Variants in GHR observed in about 807,000 individuals in gnomAD.
GHR encodes growth hormone receptor.
A neutral mutation model predicts 67.1 loss-of-function variants in GHR; 35 were observed. The ratio of observed to expected loss-of-function variants is 0.52; its 90% CI spans 0.40 to 0.69. The LOEUF (loss-of-function observed/expected upper bound fraction) is 0.69. GHR is among the 30% of genes least tolerant of loss of function. The pLI is 0.00. For synonymous variants in GHR, 272 were observed against 269.1 expected (o/e 1.01, Z -0.10); for missense variants, 792 against 764.6 (o/e 1.04, Z -0.42).
At chr5:42,497,136 C>A (rs567909970) in intron 1 of GHR, among the ~76,000 whole-genome samples, 1 of 152,272 alleles carries the variant, frequency 6.6e-6, no homozygotes, top group East Asian at 1.9e-4. Context: ...CCTTGTTTCC[C>A]ATTCATTCCT....
intron 2 of GHR, among the ~76,000 whole-genome samples, chr5:42,627,547 G>A (rs1753763990): frequency 6.6e-6 from 1 of 152,234 alleles, no homozygotes; most frequent in Non-Finnish European, 1.5e-5. Flanking sequence ...GCCAATATAA[G>A]TGACTGTGGC....
At chr5:42,450,719 C>T (rs1744012983) in intron 1 of GHR, among the ~76,000 whole-genome samples, 1 of 151,688 alleles carries the variant, frequency 6.6e-6, no homozygotes, top group Admixed American at 6.6e-5. Flanking sequence ...TGAGGTGTGA[C>T]CTTAGATTGT....
chr5:42,680,441 CT>C (rs1241997210), intron 3 of GHR, among the ~76,000 whole-genome samples: 2 of 149,768 alleles, frequency 1.3e-5, no homozygotes, highest in African/African-American at 2.5e-5. Flanking sequence ...ATGTGCTTTT[CT>C]TTTTTTTTCT....
chr5:42,458,051 C>T (rs1744333397), intron 1 of GHR, among the ~76,000 whole-genome samples: 1 of 152,136 alleles, frequency 6.6e-6, no homozygotes, highest in Non-Finnish European at 1.5e-5. Context: ...CTGATGTATT[C>T]ATAGTGATGC....
At position 42,424,701 on chromosome 5, in the gene GHR, G is replaced by A. The variant is rs577124573; in HGVS notation, c.-12+746G>A. 12 of 1,136,934 alleles carry A rather than the reference G, an allele frequency of 1.1e-5. No homozygotes were observed. The Admixed American group carries it at 1.6e-4, about 15-fold the overall frequency. The allele number at this position is 1,136,934 out of a possible 1,614,324, so 70.4% of individuals were successfully genotyped here. ...TTTTGACAGAACTGCCAGAGGCTGC[G>A]GGTCAATGGGGTGGCCGCGTGTCTA... On this transcript the variant is annotated intron_variant, in intron 1 of 9. Transcript: ENST00000230882. The surrounding 1 kb of genome is among the most constrained non-coding windows in gnomAD (Gnocchi z 4.1).
chr5:42,605,564 T>C lies in GHR; in HGVS notation c.71-23474T>C, dbSNP rs1055028189. On this transcript the variant is annotated intron_variant, in intron 2 of 9. Coordinates refer to ENST00000230882, the MANE Select transcript of GHR (RefSeq NM_000163.5). ...ATTGGGGCTCTAGATGAGTGGTCCATCTTCCTCTCTCCTCAGGGATAAGCT... is the reference window on the plus strand; with the variant it reads ...ATTGGGGCTCTAGATGAGTGGTCCACCTTCCTCTCTCCTCAGGGATAAGCT... 2.0e-5 allele frequency among the ~76,000 whole-genome samples: 3 copies of C among 152,184 alleles called. No individual in the cohort carries two copies. The East Asian group carries it at 5.8e-4, about 29-fold the overall frequency.
chr5:42,506,525 C>T (rs979015137), intron 1 of GHR, among the ~76,000 whole-genome samples: 2 of 152,108 alleles, frequency 1.3e-5, no homozygotes, highest in African/African-American at 4.8e-5. Context: ...TAGTTCTTTC[C>T]ATTTTTTATA....
chr5:42,715,189 C>G (rs1164961864), intron 8 of GHR: 3 of 286,308 alleles, frequency 1.0e-5, no homozygotes, highest in Non-Finnish European at 2.1e-5. Flanking sequence ...ATTGAATTTT[C>G]TGTAGGAAAG....
chr5:42,534,062 A>G (rs1242349861), intron 1 of GHR, among the ~76,000 whole-genome samples: 3 of 150,408 alleles, frequency 2.0e-5, no homozygotes, highest in Non-Finnish European at 4.4e-5. Context: ...GTATGTATAT[A>G]TATGTACGTA....
At chr5:42,645,867 C>G (rs1317434950) in intron 3 of GHR, among the ~76,000 whole-genome samples, 1 of 152,226 alleles carries the variant, frequency 6.6e-6, no homozygotes, top group East Asian at 1.9e-4. Flanking sequence ...AGGCTCAGCT[C>G]TTGGTTGTCT....
chr5:42,424,417 C>G lies in GHR; in HGVS notation c.-12+462C>G, dbSNP rs1742750735. On this transcript the variant is annotated intron_variant, in intron 1 of 9. Transcript: ENST00000230882. This position sits in a 1 kb window ranked among gnomAD's most constrained non-coding sequence, Gnocchi z 4.1. ...GCGGCAGGAACTGCCGAGGCTGCTG[C>G]TGTTGCGCGGGGAAGAATCCCCGGC... 1.6e-6 allele frequency: 1 copy of G among 613,588 alleles called. No homozygotes were observed. Among genetic ancestry groups the G allele is most frequent in the African/African-American group, 1.8e-5 (1 of 54,392 alleles). 38.0% of individuals were successfully genotyped at this position (613,588 alleles called of 1,614,324 possible).
At chr5:42,700,033 T>C in intron 6 of GHR, 31 bp downstream of exon 6, 1 of 1,387,500 alleles carries the variant, frequency 7.2e-7, no homozygotes, top group Non-Finnish European at 1.0e-6. Flanking sequence ...ACACTTTGAC[T>C]TTTCTTTCTA....
At chr5:42,623,057 G>A (rs28943885) in intron 2 of GHR, among the ~76,000 whole-genome samples, 4,008 of 152,168 alleles carry the variant, frequency 0.026, 97 homozygotes, top group South Asian at 0.064. Flanking sequence ...TGCTGTCAAG[G>A]TAGTGACTAG....
chr5:42,432,535 C>T (rs1331861902), intron 1 of GHR, among the ~76,000 whole-genome samples: 1 of 152,156 alleles, frequency 6.6e-6, no homozygotes, highest in Non-Finnish European at 1.5e-5. Flanking sequence ...TGCACACTTT[C>T]AAGCTATGTG....
intron 6 of GHR, among the ~76,000 whole-genome samples, chr5:42,708,086 G>C (rs1041865014): frequency 1.3e-5 from 2 of 152,010 alleles, no homozygotes; most frequent in African/African-American, 2.4e-5. Flanking sequence ...CTGTTGGTGA[G>C]GAATGGTTAA....
chr5:42,524,446 A>G (rs1434022733), intron 1 of GHR, among the ~76,000 whole-genome samples: 3 of 152,252 alleles, frequency 2.0e-5, no homozygotes, highest in African/African-American at 4.8e-5. Context: ...CTAAACAACA[A>G]AGCATTCAAG....
At chr5:42,427,299 G>A (rs1186529054) in intron 1 of GHR, among the ~76,000 whole-genome samples, 1 of 152,188 alleles carries the variant, frequency 6.6e-6, no homozygotes, top group Non-Finnish European at 1.5e-5. Flanking sequence ...TGGCTGGGGA[G>A]GCCTCACAAT....
intron 1 of GHR, chr5:42,467,783 T>A (rs1205998764): frequency 4.1e-5 from 62 of 1,505,670 alleles, no homozygotes; most frequent in Non-Finnish European, 5.7e-5. Flanking sequence ...CTAAATCCTT[T>A]CCCACACATG....
intron 1 of GHR, among the ~76,000 whole-genome samples, chr5:42,469,337 G>T (rs1314594750): frequency 1.3e-5 from 2 of 152,208 alleles, no homozygotes; most frequent in East Asian, 3.8e-4. Flanking sequence ...GGATCATGCA[G>T]ATTGGGATAC....
Sources: allele counts gnomAD v4.1 joint callset (sites outside exome capture counted in the v4.1 genomes callset), GRCh38; gene constraint gnomAD v4.1.1; non-coding constraint Gnocchi (gnomAD v3.1); transcripts MANE v1.5; gene names NCBI Gene and HGNC (gene_info 2026-07-23, HGNC 2026-07-21).